The following TRIM2 variants were observed in gnomAD, a reference collection of about 807,000 sequenced individuals.
TRIM2 encodes tripartite motif-containing protein 2.
In TRIM2, 20 loss-of-function variants were observed where a neutral mutation model predicts 75.2. That is an observed-to-expected ratio of 0.27 (90% CI 0.19 to 0.39). The LOEUF (loss-of-function observed/expected upper bound fraction) is 0.39. Ranked by LOEUF, TRIM2 falls within the 10% of genes least tolerant of loss-of-function variation. The probability of loss-of-function intolerance (pLI) is 1.00; values close to 1 mark genes in which losing one functional copy is unlikely to be tolerated. For missense variants in TRIM2, 660 were observed against 990.8 expected, an observed-to-expected ratio of 0.67 and a Z score of 4.48; for synonymous variants, 373 against 388.3, an observed-to-expected ratio of 0.96 and a Z score of 0.46.
intron 1 of TRIM2, among the ~76,000 whole-genome samples, chr4:153,233,335 A>G (rs1049056095): frequency 2.0e-5 from 3 of 152,192 alleles, no homozygotes; most frequent in Non-Finnish European, 4.4e-5. Flanking sequence ...GATGATAATT[A>G]CAGGGTGGCA....
chr4:153,185,210 G>A lies in TRIM2; in HGVS notation c.-49+31940G>A, dbSNP rs1226039189. Reference sequence around the variant, plus strand: ...ATGAGTTGTTTTCATTGTGATTGTGGTTCCCCAAGAGCAGAGTTTATTCTT... The same window carrying A: ...ATGAGTTGTTTTCATTGTGATTGTGATTCCCCAAGAGCAGAGTTTATTCTT... On this transcript the variant is annotated intron_variant, in intron 1 of 11. Transcript: ENST00000437508. Among the ~76,000 whole-genome samples the A allele has an allele frequency of 2.6e-5, 4 of 152,154 alleles. No homozygotes were observed. In the South Asian group the frequency reaches 6.2e-4, roughly 24 times the overall value.
At chr4:153,260,638 G>A (rs1204588563) in intron 1 of TRIM2, among the ~76,000 whole-genome samples, 1 of 149,238 alleles carries the variant, frequency 6.7e-6, no homozygotes, top group Non-Finnish European at 1.5e-5. Flanking sequence ...AGTTAAAGGG[G>A]ATGGCTTCTG....
intron 2 of TRIM2, 58 bp downstream of exon 2, chr4:153,270,577 C>A: frequency 2.1e-6 from 3 of 1,405,414 alleles, no homozygotes; most frequent in Non-Finnish European, 9.6e-7. Flanking sequence ...CTACAACCTA[C>A]TGCAGGATTC....
chr4:153,190,428 T>C (rs1190422997), intron 1 of TRIM2, among the ~76,000 whole-genome samples: 1 of 152,260 alleles, frequency 6.6e-6, no homozygotes, highest in Non-Finnish European at 1.5e-5. Context: ...TTATGATTTA[T>C]CTCTGTATTC....
chr4:153,224,687 C>T (rs925377954), intron 1 of TRIM2, among the ~76,000 whole-genome samples: 8 of 152,292 alleles, frequency 5.3e-5, no homozygotes, highest in African/African-American at 1.9e-4. Flanking sequence ...ATTAAATCCT[C>T]CACTAGAAAT....
intron 1 of TRIM2, among the ~76,000 whole-genome samples, chr4:153,231,723 C>T (rs554703837): frequency 6.6e-6 from 1 of 152,300 alleles, no homozygotes; most frequent in African/African-American, 2.4e-5. Context: ...CTGTCCCACG[C>T]TTCCCTTGGC....
intron 1 of TRIM2, among the ~76,000 whole-genome samples, chr4:153,221,951 G>A (rs1196091217): frequency 1.0e-4 from 11 of 107,422 alleles, no homozygotes; most frequent in Admixed American, 1.0e-3. Flanking sequence ...GAGTGAGGAA[G>A]GAAGGAAAGA....
intron 1 of TRIM2, among the ~76,000 whole-genome samples, chr4:153,176,470 A>G (rs2149625581): frequency 6.9e-6 from 1 of 144,186 alleles, no homozygotes; most frequent in South Asian, 2.2e-4. Context: ...AAAAGGAATG[A>G]TACAGCAAAT....
intron 3 of TRIM2, among the ~76,000 whole-genome samples, chr4:153,281,028 A>G (rs1759221869): frequency 6.6e-6 from 1 of 152,208 alleles, no homozygotes; most frequent in South Asian, 2.1e-4. Flanking sequence ...TAAGAAAAAT[A>G]TGAGCATCAT....
At chr4:153,191,273 C>A (rs995520915) in intron 1 of TRIM2, among the ~76,000 whole-genome samples, 4 of 152,232 alleles carry the variant, frequency 2.6e-5, no homozygotes, top group Admixed American at 1.3e-4. Context: ...TTTTCCCCAA[C>A]CCCTCTTTTC....
chr4:153,276,989 A>G (rs185252769), intron 3 of TRIM2, among the ~76,000 whole-genome samples: 290 of 152,308 alleles, frequency 1.9e-3, no homozygotes, highest in Middle Eastern at 3.4e-3. Context: ...TCTCATTTGT[A>G]TATTGGTCAC....
At chr4:153,222,049 G>GAAGGAGGGAGGGAGC (rs1560836441) in intron 1 of TRIM2, among the ~76,000 whole-genome samples, 1 of 147,836 alleles carries the variant, frequency 6.8e-6, no homozygotes, top group African/African-American at 2.5e-5. Context: ...AGCGAGGAAG[G>GAAGGAGGGAGGGAGC]GAGGGAGGAA....
Position 153,335,653 on chromosome 4 carries a change from C to T in TRIM2, c.*687C>T. The T allele has an allele frequency of 1.0e-6, 1 of 985,378 alleles. No homozygotes were observed. The highest frequency in any genetic ancestry group is 1.2e-6 in the Non-Finnish European group (1 of 829,936). The allele number at this position is 985,378 out of a possible 1,614,324, so 61.0% of individuals were successfully genotyped here. On this transcript the variant is annotated 3_prime_UTR_variant, in exon 12 of 12. Coordinates refer to ENST00000338700, the MANE Select transcript of TRIM2 (RefSeq NM_015271.5). ...CTTTGGCTCACCTTGTATCAGCAAA[C>T]AAAGTACTTCTTCAGGGAAACCTGA...
At chr4:153,298,523 A>T (rs1201970317) in intron 6 of TRIM2, among the ~76,000 whole-genome samples, 3 of 152,088 alleles carry the variant, frequency 2.0e-5, no homozygotes, top group Non-Finnish European at 2.9e-5. Context: ...GCCCCGCTTT[A>T]ACAGCCTCAT....
intron 1 of TRIM2, chr4:153,257,874 T>G: frequency 3.1e-6 from 1 of 323,406 alleles, no homozygotes; most frequent in Non-Finnish European, 6.1e-6. Context: ...TGATGCTGCA[T>G]CCTCTGTAGC....
At chr4:153,317,093 G>A (rs1767812837) in intron 8 of TRIM2, among the ~76,000 whole-genome samples, 1 of 150,384 alleles carries the variant, frequency 6.6e-6, no homozygotes, top group African/African-American at 2.4e-5. Flanking sequence ...TGTTAGCTAG[G>A]ATGGTCTGGA....
intron 1 of TRIM2, among the ~76,000 whole-genome samples, chr4:153,244,128 T>A (rs1046819380): frequency 6.9e-6 from 1 of 145,556 alleles, no homozygotes; most frequent in African/African-American, 2.6e-5. Flanking sequence ...GCCATCTTCT[T>A]CTTCTTCTTC....
intron 3 of TRIM2, among the ~76,000 whole-genome samples, chr4:153,278,641 A>G (rs1478669333): frequency 1.3e-5 from 2 of 152,084 alleles, no homozygotes; most frequent in Non-Finnish European, 2.9e-5. Context: ...TCTACCAAAA[A>G]TACAAAAATC....
In TRIM2 at chr4:153,295,126, A is replaced by G. The variant is rs1426168129; in HGVS notation, c.787-187A>G. Among the ~76,000 whole-genome samples the G allele has an allele frequency of 1.3e-5, 2 of 152,252 alleles. No individual in the cohort carries two copies. The highest frequency in any genetic ancestry group is 2.9e-5 in the Non-Finnish European group (2 of 68,042). On this transcript the variant is annotated intron_variant, in intron 5 of 11. Transcript: ENST00000338700. The surrounding 1 kb of genome is among the most constrained non-coding windows in gnomAD (Gnocchi z 7.2). Reference sequence around the variant, plus strand: ...AGGGCGAGGCGGAAGGGAAACCTCGAAAAGGTACTGGGAATGCAGTTTAGG... The same window carrying G: ...AGGGCGAGGCGGAAGGGAAACCTCGGAAAGGTACTGGGAATGCAGTTTAGG...
Sources: allele counts gnomAD v4.1 joint callset (sites outside exome capture counted in the v4.1 genomes callset), GRCh38; gene constraint gnomAD v4.1.1; non-coding constraint Gnocchi (gnomAD v3.1); transcripts MANE v1.5; gene names NCBI Gene and HGNC (gene_info 2026-07-23, HGNC 2026-07-21).